The following HHAT variants were observed in gnomAD, a reference collection of about 807,000 sequenced individuals.
The protein encoded by HHAT is protein-cysteine N-palmitoyltransferase HHAT.
HHAT carries 47 observed loss-of-function variants against 70.8 expected under a neutral mutation model. The observed-to-expected ratio is 0.66, with a 90% confidence interval of 0.53 to 0.85. The LOEUF (loss-of-function observed/expected upper bound fraction) is 0.85. Among genes scored for constraint, HHAT ranks in the 40% least tolerant of loss-of-function variants. HHAT has a pLI of 0.00. For synonymous variants in HHAT, 228 were observed against 247.6 expected (o/e 0.92, Z 0.74); for missense variants, 609 against 604.8 (o/e 1.01, Z -0.07).
intron 7 of HHAT, among the ~76,000 whole-genome samples, chr1:210,461,327 T>A (rs1331817532): frequency 6.6e-6 from 1 of 151,118 alleles, no homozygotes; most frequent in Admixed American, 6.6e-5. Context: ...TGAGACAGAG[T>A]CTCACCCTGT....
At chr1:210,618,632 C>T (rs530532658) in intron 10 of HHAT, among the ~76,000 whole-genome samples, 1 of 152,240 alleles carries the variant, frequency 6.6e-6, no homozygotes, top group East Asian at 1.9e-4. Context: ...CCACATGCAG[C>T]CCCTCTGTGG....
Position 210,656,586 on chromosome 1 carries a change from G to A in HHAT, c.1391-17702G>A, listed in dbSNP as rs74964835. Among the ~76,000 whole-genome samples, 637 of 152,284 alleles carry A rather than the reference G, an allele frequency of 4.2e-3. 10 individuals are homozygous for A. The highest frequency in any genetic ancestry group is 5.3e-3 in the Non-Finnish European group (362 of 68,020). ...TCACGCCAGGAAGAGCAGCTATAGCGTGAGACAGCCCAGTGCCTCTCCGCT... is the reference window on the plus strand; with the variant it reads ...TCACGCCAGGAAGAGCAGCTATAGCATGAGACAGCCCAGTGCCTCTCCGCT... On this transcript the variant is annotated intron_variant, in intron 11 of 11. Coordinates refer to ENST00000261458, the MANE Select transcript of HHAT (RefSeq NM_018194.6).
intron 3 of HHAT, among the ~76,000 whole-genome samples, chr1:210,367,075 T>A (rs955523770): frequency 6.6e-6 from 1 of 152,244 alleles, no homozygotes; most frequent in Non-Finnish European, 1.5e-5. Context: ...AGGGACAGGC[T>A]GACCGCAAAC....
intron 9 of HHAT, among the ~76,000 whole-genome samples, chr1:210,581,025 G>C (rs781538020): frequency 1.5e-4 from 23 of 152,150 alleles, no homozygotes; most frequent in Admixed American, 1.3e-4. Context: ...ATTCTGACTG[G>C]TGTGAGATGG....
At chr1:210,328,815 TCTGGCCCGCCCC>T (rs1481663647), upstream of HHAT, 2 of 386,824 alleles carry the variant, frequency 5.2e-6, no homozygotes, top group Non-Finnish European at 8.9e-6. Context: ...CAGGCCGCGC[TCTGGCCCGCCCC>T]CTGCAGCAGC....
Position 210,613,460 on chromosome 1 carries a change from A to G in HHAT, c.1246-10066A>G, listed in dbSNP as rs573959367. On this transcript the variant is annotated intron_variant, in intron 10 of 11. Coordinates refer to ENST00000261458, the MANE Select transcript of HHAT (RefSeq NM_018194.6). ...ATAAGGGTTTATTTCTGGTCTCTCT[A>G]TTCTATTCCATTGGTCTATATGTTT... Among the ~76,000 whole-genome samples, 13 of 152,212 alleles carry G rather than the reference A, an allele frequency of 8.5e-5. No homozygotes were observed. The South Asian group carries it at 2.7e-3, about 32-fold the overall frequency.
At chr1:210,574,949 C>G (rs570872410) in intron 9 of HHAT, among the ~76,000 whole-genome samples, 1 of 152,284 alleles carries the variant, frequency 6.6e-6, no homozygotes, top group South Asian at 2.1e-4. Flanking sequence ...GCAGGAGTGG[C>G]ACTGAATAGG....
At chr1:210,345,603 G>A (rs921320965) in intron 1 of HHAT, among the ~76,000 whole-genome samples, 1 of 152,178 alleles carries the variant, frequency 6.6e-6, no homozygotes, top group Non-Finnish European at 1.5e-5. Context: ...ACTATTAGAA[G>A]TGTTTTGGTC....
chr1:210,438,174 T>TTGTGTGTGTG (rs3036615), intron 7 of HHAT, among the ~76,000 whole-genome samples: 2,118 of 149,552 alleles, frequency 0.014, 90 homozygotes, highest in African/African-American at 0.05. Context: ...TTCTCCGTGT[T>TTGTGTGTGTG]TGTGTGTGTG....
intron 11 of HHAT, among the ~76,000 whole-genome samples, chr1:210,653,027 T>C (rs1675502984): frequency 6.6e-6 from 1 of 152,046 alleles, no homozygotes; most frequent in Admixed American, 6.6e-5. Flanking sequence ...TAGCAAAAGA[T>C]TGGAATAGAC....
intron 8 of HHAT, among the ~76,000 whole-genome samples, chr1:210,507,775 G>A (rs941796182): frequency 5.3e-5 from 8 of 152,026 alleles, no homozygotes; most frequent in African/African-American, 1.9e-4. Context: ...GGTTTACCAT[G>A]GTAAAGAGGA....
intron 9 of HHAT, among the ~76,000 whole-genome samples, chr1:210,533,321 TG>T (rs2095334430): frequency 9.0e-6 from 1 of 111,240 alleles, no homozygotes; most frequent in Non-Finnish European, 2.0e-5. Context: ...ACAGCATCTT[TG>T]GGGACTGTCA....
At chr1:210,619,642 C>T (rs544958037) in intron 10 of HHAT, among the ~76,000 whole-genome samples, 6 of 152,252 alleles carry the variant, frequency 3.9e-5, no homozygotes, top group South Asian at 2.1e-4. Flanking sequence ...TGCACATTGC[C>T]GTGCGCTTAT....
chr1:210,480,171 A>G (rs2094371642), intron 8 of HHAT, among the ~76,000 whole-genome samples: 1 of 152,154 alleles, frequency 6.6e-6, no homozygotes, highest in Admixed American at 6.5e-5. Flanking sequence ...TATGGGGTAG[A>G]ACAAGGTGTA....
At chr1:210,456,852 G>A (rs1015995043) in intron 7 of HHAT, among the ~76,000 whole-genome samples, 3 of 152,076 alleles carry the variant, frequency 2.0e-5, no homozygotes, top group Admixed American at 6.5e-5. Context: ...CCCTCTGGCC[G>A]GTCAAGCTTC....
chr1:210,403,931 C>CTT (rs56979148), intron 5 of HHAT, among the ~76,000 whole-genome samples: 9 of 141,306 alleles, frequency 6.4e-5, no homozygotes, highest in African/African-American at 1.8e-4. Context: ...AGGGCAGGGA[C>CTT]TTTTTTTTTT....
chr1:210,413,844 T>C (rs6682398), intron 6 of HHAT, among the ~76,000 whole-genome samples: 84,091 of 151,994 alleles, frequency 0.55, 23,319 homozygotes, highest in Admixed American at 0.62. Flanking sequence ...TCTGAGCCCT[T>C]GCCAAAATTT....
intron 9 of HHAT, among the ~76,000 whole-genome samples, chr1:210,532,672 C>T (rs1432745563): frequency 1.3e-5 from 2 of 152,146 alleles, no homozygotes; most frequent in African/African-American, 4.8e-5. Flanking sequence ...CCGTCGGCAC[C>T]ATGTGCAGAG....
intron 10 of HHAT, among the ~76,000 whole-genome samples, chr1:210,599,901 A>T (rs771504162): frequency 4.6e-5 from 7 of 150,618 alleles, no homozygotes; most frequent in Non-Finnish European, 7.4e-5. Flanking sequence ...GCCTCTTCCC[A>T]CTCCTCCCCC....
Sources: allele counts gnomAD v4.1 joint callset (sites outside exome capture counted in the v4.1 genomes callset), GRCh38; gene constraint gnomAD v4.1.1; transcripts MANE v1.5; gene names NCBI Gene and HGNC (gene_info 2026-07-23, HGNC 2026-07-21).